SDK2: variants seen among roughly 807,000 people sequenced by gnomAD.
The protein encoded by SDK2 is sidekick cell adhesion molecule 2, also known as protein sidekick-2.
Under a neutral mutation model 253.9 loss-of-function variants are expected in SDK2, and 105 were observed. That is an observed-to-expected ratio of 0.41 (90% CI 0.35 to 0.49). The LOEUF (loss-of-function observed/expected upper bound fraction) is 0.49. Ranked by LOEUF, SDK2 falls within the 20% of genes least tolerant of loss-of-function variation. The pLI is 0.06. For missense variants in SDK2, 2,608 were observed against 3,003.0 expected, an observed-to-expected ratio of 0.87 and a Z score of 3.07; for synonymous variants, 1,249 against 1,234.9, an observed-to-expected ratio of 1.01 and a Z score of -0.24.
intron 2 of SDK2, among the ~76,000 whole-genome samples, chr17:73,500,549 C>T (rs558477913): frequency 6.6e-6 from 1 of 150,486 alleles, no homozygotes; most frequent in Non-Finnish European, 1.5e-5. Flanking sequence ...CCTCAGTTCT[C>T]CTTCATCCTT....
At chr17:73,372,926 A>G (rs1190211055) in intron 36 of SDK2, among the ~76,000 whole-genome samples, 1 of 152,182 alleles carries the variant, frequency 6.6e-6, no homozygotes, top group African/African-American at 2.4e-5. Flanking sequence ...CAAGTGTACA[A>G]TACGGTATCA....
chr17:73,466,781 T>G (rs2063603007), intron 3 of SDK2, among the ~76,000 whole-genome samples: 1 of 149,922 alleles, frequency 6.7e-6, no homozygotes, highest in South Asian at 2.1e-4. Context: ...GGACAGTTCT[T>G]TCCAGGCTGG....
chr17:73,640,182 C>T (rs1567888723), intron 1 of SDK2, among the ~76,000 whole-genome samples: 1 of 150,560 alleles, frequency 6.6e-6, no homozygotes, highest in African/African-American at 2.4e-5. Flanking sequence ...GCCCCTATGC[C>T]GGCCTTCCAG....
rs759548601 is a variant in SDK2, at chr17:73,616,016, CAT to C, written c.64+28007_64+28008del. Among the ~76,000 whole-genome samples the C allele has an allele frequency of 6.6e-6, 1 of 152,160 alleles. No homozygotes were observed. Among genetic ancestry groups the C allele is most frequent in the Non-Finnish European group, 1.5e-5 (1 of 68,034 alleles). On this transcript the variant is annotated intron_variant, in intron 1 of 44. Coordinates refer to ENST00000392650, the MANE Select transcript of SDK2 (RefSeq NM_001144952.2). The surrounding 1 kb of genome is among the most constrained non-coding windows in gnomAD (Gnocchi z 5.2). ...ACGTACACACGCATGCATGTAGACA[CAT>C]ATGCATATACACATGAACACACATA... is the stretch of plus-strand genomic sequence containing the variant.
At position 73,337,053 on chromosome 17, in the gene SDK2, A is replaced by ATGTGTGTGTGTGTGTGTG. The variant is rs3079765; in HGVS notation, c.*1516_*1533dup. On this transcript the variant is annotated 3_prime_UTR_variant, in exon 45 of 45. Coordinates refer to ENST00000392650, the MANE Select transcript of SDK2 (RefSeq NM_001144952.2). ...TCCTTGGAGCAGATTGTGTATGTGT[A>ATGTGTGTGTGTGTGTGTG]TGTGTGTGTGTGTGTGTGTGTGTGT... 1 of 148,710 alleles carries ATGTGTGTGTGTGTGTGTG rather than the reference A, an allele frequency of 6.7e-6. No individual in the cohort carries two copies. The allele number at this position is 148,710 out of a possible 1,614,324, so 9.2% of individuals were successfully genotyped here. A position where few individuals can be genotyped will look rare whatever the true frequency, so the allele number is the denominator to read the frequency against.
Position 73,455,804 on chromosome 17 carries a change from C to T in SDK2, c.479+102G>A. ...CCACAGGAGCTGAAAGGGGCTTCTG[C>T]ACAAAGGCCCTCCTCCACACTCAAG... On this transcript the variant is annotated intron_variant, in intron 4 of 44. Transcript: ENST00000392650. The surrounding 1 kb of genome is among the most constrained non-coding windows in gnomAD (Gnocchi z 5.0). The T allele has an allele frequency of 8.3e-6, 11 of 1,319,470 alleles. No homozygotes were observed. The highest frequency in any genetic ancestry group is 1.1e-5 in the Non-Finnish European group (11 of 991,708). 81.7% of individuals were successfully genotyped at this position (1,319,470 alleles called of 1,614,324 possible).
At position 73,337,674 on chromosome 17, in the gene SDK2, C is replaced by T. The variant is rs2145358534; in HGVS notation, c.*913G>A. On this transcript the variant is annotated 3_prime_UTR_variant, in exon 45 of 45. Coordinates refer to ENST00000392650, the MANE Select transcript of SDK2 (RefSeq NM_001144952.2). Reference sequence around the variant, plus strand: ...GGAAGAAAGAGAACAGTCAAAGTGTCATTCTTATCTTGCCCACAATGCGTT... The same window carrying T: ...GGAAGAAAGAGAACAGTCAAAGTGTTATTCTTATCTTGCCCACAATGCGTT... 1 of 152,400 alleles carries T rather than the reference C, an allele frequency of 6.6e-6. No individual in the cohort carries two copies. Among genetic ancestry groups the T allele is most frequent in the Non-Finnish European group, 1.5e-5 (1 of 68,080 alleles). The allele number at this position is 152,400 out of a possible 1,614,324, so 9.4% of individuals were successfully genotyped here. A position where few individuals can be genotyped will look rare whatever the true frequency, so the allele number is the denominator to read the frequency against.
At chr17:73,466,727 C>T (rs1238923916) in intron 3 of SDK2, among the ~76,000 whole-genome samples, 1 of 133,994 alleles carries the variant, frequency 7.5e-6, no homozygotes, top group Non-Finnish European at 1.5e-5. Context: ...CCCCCCCCCC[C>T]GGCTTAGGCT....
rs2045377040 is a variant in SDK2, at chr17:73,570,954, C to T, written c.65-63357G>A. On this transcript the variant is annotated intron_variant, in intron 1 of 44. Transcript: ENST00000392650. This position sits in a 1 kb window ranked among gnomAD's most constrained non-coding sequence, Gnocchi z 4.2. ...TGGGGTCAAGGGTGACTATTGTGAG[C>T]CCTGGTCTGGTCCTGAGTGGCTGCT... is the stretch of plus-strand genomic sequence containing the variant. Among the ~76,000 whole-genome samples, 1 of 152,128 alleles carries T rather than the reference C, an allele frequency of 6.6e-6. No individual in the cohort carries two copies. The highest frequency in any genetic ancestry group is 1.5e-5 in the Non-Finnish European group (1 of 68,030).
intron 1 of SDK2, among the ~76,000 whole-genome samples, chr17:73,559,367 A>C (rs2045192843): frequency 6.6e-6 from 1 of 152,236 alleles, no homozygotes; most frequent in Non-Finnish European, 1.5e-5. Flanking sequence ...CAATGTACGC[A>C]AGACTGTTGG....
chr17:73,386,341 C>A, intron 31 of SDK2, 104 bp downstream of exon 31: 1 of 849,506 alleles, frequency 1.2e-6, no homozygotes, highest in South Asian at 1.5e-5. Context: ...GTGGGTCCCA[C>A]GCCTCTCTCA....
At chr17:73,416,186 A>G (rs7406414) in intron 16 of SDK2, among the ~76,000 whole-genome samples, 194 bp from the exon 17 acceptor site, 64,873 of 146,528 alleles carry the variant, frequency 0.44, 14,405 homozygotes, top group African/African-American at 0.47. Context: ...GTGCAACCGA[A>G]GAAATGAATT....
At chr17:73,445,550 G>A (rs2063447212) in intron 5 of SDK2, among the ~76,000 whole-genome samples, 1 of 152,120 alleles carries the variant, frequency 6.6e-6, no homozygotes, top group South Asian at 2.1e-4. Context: ...CTATAAAGAG[G>A]TGCAGAAAGC....
intron 21 of SDK2, among the ~76,000 whole-genome samples, chr17:73,400,480 C>T (rs2063013091): frequency 6.6e-6 from 1 of 152,142 alleles, no homozygotes; most frequent in Admixed American, 6.5e-5. Context: ...GGCAGGGGGC[C>T]TCTGCTTTTC....
intron 1 of SDK2, among the ~76,000 whole-genome samples, chr17:73,602,734 T>C (rs1026564204): frequency 2.6e-5 from 4 of 151,910 alleles, no homozygotes; most frequent in Non-Finnish European, 5.9e-5. Flanking sequence ...TTTGTTGTTG[T>C]TGTTGTTGTT....
chr17:73,412,251 C>T (rs766349844), intron 18 of SDK2, among the ~76,000 whole-genome samples: 22 of 148,742 alleles, frequency 1.5e-4, no homozygotes, highest in Non-Finnish European at 2.1e-4. Flanking sequence ...TATCCTGGAA[C>T]ATATACATAT....
rs1361111050 is a variant in SDK2, at chr17:73,579,105, C to T, written c.64+64920G>A. 2.0e-5 allele frequency among the ~76,000 whole-genome samples: 3 copies of T among 151,946 alleles called. No individual in the cohort carries two copies. The East Asian group carries it at 5.8e-4, about 30-fold the overall frequency. ...TGGGCCCTGCCAGTTCTAGCTCTTT[C>T]CTCTGGTGTTCTTCCACATCTCTCC... is the stretch of plus-strand genomic sequence containing the variant. On this transcript the variant is annotated intron_variant, in intron 1 of 44. Coordinates refer to ENST00000392650, the MANE Select transcript of SDK2 (RefSeq NM_001144952.2).
In SDK2 at chr17:73,380,904, G is replaced by A. The variant is rs994948082; in HGVS notation, c.4752C>T (p.Tyr1584=). ...TGCAAGGAGACTTACTGTCCAGCTC[G>A]TACTGCGTGAGGCTGGGCCGGCTCA... ...RNLSRPSLTQ[Y]ELDNLNKHRR... is the part of the protein sequence containing the mutation. The change falls in exon 34 of 45, where the codon TAC becomes TAT. Residue 1584 remains tyrosine, a synonymous_variant. Transcript: ENST00000392650. 4.9e-5 allele frequency: 71 copies of A among 1,449,448 alleles called. No individual in the cohort carries two copies. In the Admixed American group the frequency reaches 9.9e-4, roughly 20 times the overall value. 89.8% of individuals were successfully genotyped at this position (1,449,448 alleles called of 1,614,324 possible). A position where few individuals can be genotyped will look rare whatever the true frequency, so the allele number is the denominator to read the frequency against.
intron 1 of SDK2, among the ~76,000 whole-genome samples, chr17:73,539,506 G>A (rs1403002688): frequency 2.0e-5 from 3 of 151,750 alleles, no homozygotes; most frequent in African/African-American, 7.3e-5. Flanking sequence ...AGAGGGAGCT[G>A]GGGGGTGGTG....
Sources: allele counts gnomAD v4.1 joint callset (sites outside exome capture counted in the v4.1 genomes callset), GRCh38; gene constraint gnomAD v4.1.1; non-coding constraint Gnocchi (gnomAD v3.1); transcripts MANE v1.5; gene names NCBI Gene and HGNC (gene_info 2026-07-23, HGNC 2026-07-21).